ATP8B1: variants seen among roughly 807,000 people sequenced by gnomAD.
The protein encoded by ATP8B1 is phospholipid-transporting ATPase IC.
In ATP8B1, 80 loss-of-function variants were observed where a neutral mutation model predicts 149.9. That is an observed-to-expected ratio of 0.53 (90% CI 0.45 to 0.64). The LOEUF is 0.64. ATP8B1 is among the 30% of genes least tolerant of loss of function. The pLI is 0.00. For synonymous variants in ATP8B1, 536 were observed against 562.8 expected, an observed-to-expected ratio of 0.95 and a Z score of 0.67; for missense variants, 1,247 against 1,552.6, an observed-to-expected ratio of 0.80 and a Z score of 3.31.
chr18:57,781,167 G>C (rs1361670902), intron 1 of ATP8B1, among the ~76,000 whole-genome samples: 3 of 152,230 alleles, frequency 2.0e-5, no homozygotes, highest in Non-Finnish European at 4.4e-5. Flanking sequence ...TCCAGAAAGG[G>C]AAGGGATAAA....
At chr18:57,666,703 T>C (rs957902257) in intron 20 of ATP8B1, among the ~76,000 whole-genome samples, 2 of 152,052 alleles carry the variant, frequency 1.3e-5, no homozygotes, top group African/African-American at 4.8e-5. Context: ...ACCCAGCTAA[T>C]TTTTGTAGTT....
chr18:57,715,668 C>T, intron 2 of ATP8B1, among the ~76,000 whole-genome samples: 1 of 152,174 alleles, frequency 6.6e-6, no homozygotes, highest in East Asian at 1.9e-4. Context: ...ATACGTCTGG[C>T]AGCAGACTTT....
At chr18:57,775,244 G>A (rs893135065) in intron 1 of ATP8B1, among the ~76,000 whole-genome samples, 4 of 152,030 alleles carry the variant, frequency 2.6e-5, no homozygotes, top group Non-Finnish European at 5.9e-5. Flanking sequence ...TTGAGCCCAG[G>A]GGTCAAGGCT....
At chr18:57,712,695 C>T (rs1310059926) in intron 2 of ATP8B1, among the ~76,000 whole-genome samples, 2 of 151,852 alleles carry the variant, frequency 1.3e-5, no homozygotes, top group African/African-American at 2.4e-5. Context: ...AATGCTTGCT[C>T]GGCCCCTCCC....
chr18:57,661,397 T>C lies in ATP8B1; in HGVS notation c.2484A>G (p.Thr828=), dbSNP rs1454467799. Residue 828 remains threonine (T), a synonymous_variant, in exon 22 of 28, where the codon ACA becomes ACG. Transcript: ENST00000648908. ...NKILKLKFPR[T]EEERRMRTQS... ...GGGTCCGCATCCGTCTTTCTTCTTCTGTTCTTGGGAACTTCAGCTTCAGAA... is the reference window on the plus strand; with the variant it reads ...GGGTCCGCATCCGTCTTTCTTCTTCCGTTCTTGGGAACTTCAGCTTCAGAA... 6.2e-7 allele frequency: 1 copy of C among 1,613,916 alleles called. No individual in the cohort carries two copies. The highest frequency in any genetic ancestry group is 1.3e-5 in the African/African-American group (1 of 74,886).
chr18:57,750,029 G>A (rs2080001062), intron 1 of ATP8B1, among the ~76,000 whole-genome samples: 2 of 152,158 alleles, frequency 1.3e-5, no homozygotes, highest in Non-Finnish European at 2.9e-5. Flanking sequence ...GATCACTTGA[G>A]GTCAGGAATT....
At chr18:57,696,831 A>C (rs1912842426) in intron 8 of ATP8B1, among the ~76,000 whole-genome samples, 1 of 152,236 alleles carries the variant, frequency 6.6e-6, no homozygotes, top group Non-Finnish European at 1.5e-5. Flanking sequence ...AAATGAGCTA[A>C]TATGTAAAGT....
Position 57,701,100 on chromosome 18 carries a change from C to T in ATP8B1, c.493G>A (p.Ala165Thr), listed in dbSNP as rs1913097126. 3 of 1,613,902 alleles carry T rather than the reference C, an allele frequency of 1.9e-6. No individual in the cohort carries two copies. The highest frequency in any genetic ancestry group is 2.7e-5 in the African/African-American group (2 of 74,872). ...ATTTCCTTATCCATTTTATGGCGAGCCTTGAGAAGGAAGATGGGGAAATGC... is the reference window on the plus strand; with the variant it reads ...ATTTCCTTATCCATTTTATGGCGAGTCTTGAGAAGGAAGATGGGGAAATGC... ...TAIKDLVDDV[A>T]RHKMDKEINN... The change falls in exon 6 of 28, where the codon GCT (alanine) becomes ACT (threonine). Residue 165 changes from alanine to threonine, a missense_variant and splice_region_variant. Physicochemically the swap from Ala to Thr is moderately conservative, Grantham distance 58. Around this residue, in one of 3 missense-constraint regions of ATP8B1, gnomAD observed 853 missense variants for 1,035.7 expected, o/e 0.82. Transcript: ENST00000648908.
chr18:57,795,232 C>A (rs559110338), intron 1 of ATP8B1, among the ~76,000 whole-genome samples: 66 of 144,812 alleles, frequency 4.6e-4, no homozygotes, highest in African/African-American at 1.6e-3. Flanking sequence ...GACACACACA[C>A]ACACATTTTT....
chr18:57,761,330 A>G (rs937488329), intron 1 of ATP8B1, among the ~76,000 whole-genome samples: 1 of 152,202 alleles, frequency 6.6e-6, no homozygotes, highest in African/African-American at 2.4e-5. Flanking sequence ...GATTCTTGAG[A>G]TAAGACAAAG....
intron 1 of ATP8B1, among the ~76,000 whole-genome samples, chr18:57,770,215 C>T (rs569814303): frequency 2.6e-5 from 4 of 152,220 alleles, no homozygotes; most frequent in African/African-American, 9.6e-5. Context: ...ACTACAGGTG[C>T]ATGCCACCAT....
At chr18:57,666,938 G>C (rs1910896971) in intron 20 of ATP8B1, among the ~76,000 whole-genome samples, 154 bp downstream of exon 20, 1 of 152,180 alleles carries the variant, frequency 6.6e-6, no homozygotes, top group African/African-American at 2.4e-5. Context: ...ACTTGGAACT[G>C]CCTGTTGTTG....
intron 20 of ATP8B1, among the ~76,000 whole-genome samples, chr18:57,666,490 C>A (rs917026217): frequency 1.3e-5 from 2 of 150,408 alleles, no homozygotes; most frequent in Admixed American, 6.7e-5. Flanking sequence ...AATTTGCTAG[C>A]GATATTACAG....
At chr18:57,682,148 G>A (rs1186834798) in intron 15 of ATP8B1, among the ~76,000 whole-genome samples, 1 of 152,024 alleles carries the variant, frequency 6.6e-6, no homozygotes, top group African/African-American at 2.4e-5. Context: ...GGGATTATAG[G>A]CACATGCCAC....
At chr18:57,687,773 ATTTTTTTTTT>A (rs11342488) in intron 13 of ATP8B1, among the ~76,000 whole-genome samples, 3,319 of 95,328 alleles carry the variant, frequency 0.035, 161 homozygotes, top group African/African-American at 0.12. Flanking sequence ...GAGACTTCTA[ATTTTTTTTTT>A]TTTTTTTTTT....
chr18:57,791,000 G>T lies in ATP8B1; in HGVS notation c.-26+11998C>A, dbSNP rs150280682. On this transcript the variant is annotated intron_variant, in intron 1 of 27. Transcript: ENST00000648908. ...GCCTCCCAAAGTGCTGGGATTACAGGCATGAGCCACCGCGTCCGGCCTTAT... is the reference window on the plus strand; with the variant it reads ...GCCTCCCAAAGTGCTGGGATTACAGTCATGAGCCACCGCGTCCGGCCTTAT... Among the ~76,000 whole-genome samples the T allele has an allele frequency of 4.8e-3, 737 of 152,276 alleles. 2 individuals are homozygous for T. The highest frequency in any genetic ancestry group is 0.016 in the African/African-American group (672 of 41,562).
chr18:57,747,202 C>T (rs1470597106), intron 1 of ATP8B1, among the ~76,000 whole-genome samples: 1 of 152,192 alleles, frequency 6.6e-6, no homozygotes, highest in Non-Finnish European at 1.5e-5. Context: ...CCTGTAATCC[C>T]AGCACTTTGG....
intron 2 of ATP8B1, among the ~76,000 whole-genome samples, chr18:57,710,678 A>AGGCT (rs1913644765): frequency 6.6e-6 from 1 of 152,262 alleles, no homozygotes; most frequent in African/African-American, 2.4e-5. Context: ...GTTCTCGCTG[A>AGGCT]GGCTGGAGTC....
At chr18:57,787,622 T>C (rs1450641623) in intron 1 of ATP8B1, among the ~76,000 whole-genome samples, 1 of 152,238 alleles carries the variant, frequency 6.6e-6, no homozygotes, top group Non-Finnish European at 1.5e-5. Context: ...TTCTTTGTCA[T>C]GAGCTTCTTT....
Sources: gnomAD v4.1 joint callset for allele counts (sites outside exome capture counted in the v4.1 genomes callset) on GRCh38, gnomAD v4.1.1 for gene constraint, gnomAD v4.1.1 regional missense constraint, MANE v1.5 for transcripts, NCBI Gene and HGNC (gene_info 2026-07-23, HGNC 2026-07-21) for gene names.